The following XIRP2 variants were observed in gnomAD, a reference collection of about 807,000 sequenced individuals.
XIRP2 encodes xin actin-binding repeat-containing protein 2.
Under a neutral mutation model 277.0 loss-of-function variants are expected in XIRP2, and 236 were observed. The observed-to-expected ratio is 0.85, with a 90% CI of 0.77 to 0.95. XIRP2 has a LOEUF of 0.95. XIRP2 is among the 40% of genes least tolerant of loss of function. The pLI, the probability that XIRP2 is intolerant of heterozygous loss-of-function variation, is 0.00. For missense variants in XIRP2, 4,640 were observed against 4,157.5 expected (o/e 1.12, Z -3.19); for synonymous variants, 1,490 against 1,416.5 (o/e 1.05, Z -1.17).
chr2:166,999,742 G>T (rs924077307), intron 2 of XIRP2, among the ~76,000 whole-genome samples: 4 of 152,058 alleles, frequency 2.6e-5, no homozygotes, highest in Non-Finnish European at 5.9e-5. Context: ...ACAAACTTAA[G>T]CAAGAGATAA....
chr2:167,170,219 G>A (rs1420453980), intron 3 of XIRP2, among the ~76,000 whole-genome samples: 1 of 151,888 alleles, frequency 6.6e-6, no homozygotes, highest in African/African-American at 2.4e-5. Flanking sequence ...AATATGTTGA[G>A]ATTTTTGAGT....
chr2:167,015,413 G>A (rs1044036569), intron 2 of XIRP2, among the ~76,000 whole-genome samples: 1 of 131,154 alleles, frequency 7.6e-6, no homozygotes, highest in African/African-American at 2.9e-5. Context: ...TTGATTATCT[G>A]TCTTTTATCT....
intron 5 of XIRP2, among the ~76,000 whole-genome samples, chr2:167,239,130 G>A (rs1694983140): frequency 6.6e-6 from 1 of 152,140 alleles, no homozygotes; most frequent in Non-Finnish European, 1.5e-5. Flanking sequence ...TGTACTGGAT[G>A]GCCAATTTGA....
intron 2 of XIRP2, among the ~76,000 whole-genome samples, chr2:167,033,554 C>T (rs576971769): frequency 3.8e-4 from 58 of 152,110 alleles, no homozygotes; most frequent in African/African-American, 1.2e-3. Context: ...CCCAAATAAG[C>T]CTACTCCATG....
Position 167,003,032 on chromosome 2 carries a change from ATTTATAAAATACACAGG to A in XIRP2, c.408+99146_408+99162del, listed in dbSNP as rs895044280. On this transcript the variant is annotated intron_variant, in intron 2 of 10. Transcript: ENST00000409195. ...TTTCTTATGTTTCTCTTATTGAACA[ATTTATAAAATACACAGG>A]TTTGAAGTAGAAATACCAAGAGAGA... Among the ~76,000 whole-genome samples, 141 of 152,064 alleles carry A rather than the reference ATTTATAAAATACACAGG, an allele frequency of 9.3e-4. 1 individual carries two copies. The highest frequency in any genetic ancestry group is 3.2e-3 in the African/African-American group (135 of 41,566).
chr2:166,978,791 G>T (rs1427754222), intron 2 of XIRP2, among the ~76,000 whole-genome samples: 2 of 151,956 alleles, frequency 1.3e-5, no homozygotes, highest in Non-Finnish European at 2.9e-5. Context: ...GACCAGCCTG[G>T]GCAACACAGT....
intron 3 of XIRP2, among the ~76,000 whole-genome samples, chr2:167,182,764 T>G (rs917205258): frequency 6.6e-6 from 1 of 152,184 alleles, no homozygotes; most frequent in Admixed American, 6.6e-5. Flanking sequence ...ATCACCTAAT[T>G]AAATTGCTGG....
chr2:167,013,694 G>T (rs1687745222), intron 2 of XIRP2, among the ~76,000 whole-genome samples: 1 of 151,614 alleles, frequency 6.6e-6, no homozygotes, highest in Non-Finnish European at 1.5e-5. Context: ...CATTTCTAAT[G>T]TAATAGCCTT....
chr2:166,893,230 T>C (rs1294848081), intron 1 of XIRP2, among the ~76,000 whole-genome samples: 2 of 152,080 alleles, frequency 1.3e-5, no homozygotes, highest in Non-Finnish European at 2.9e-5. Context: ...AAATCCATAA[T>C]TGTTTTAAAA....
chr2:166,957,094 T>C (rs982405382), intron 2 of XIRP2, among the ~76,000 whole-genome samples: 2 of 151,818 alleles, frequency 1.3e-5, no homozygotes, highest in Non-Finnish European at 2.9e-5. Flanking sequence ...TAGTTGTTAT[T>C]GATAGAATTC....
chr2:167,201,252 A>AGAGAGAGGG (rs1559018390), intron 3 of XIRP2, among the ~76,000 whole-genome samples: 41 of 71,772 alleles, frequency 5.7e-4, no homozygotes, highest in African/African-American at 3.6e-3. Context: ...GAAAGAAAGA[A>AGAGAGAGGG]AGAAAGAAAG....
chr2:166,947,493 T>G (rs1454741408), intron 2 of XIRP2, among the ~76,000 whole-genome samples: 1 of 152,182 alleles, frequency 6.6e-6, no homozygotes, highest in Non-Finnish European at 1.5e-5. Flanking sequence ...CAGAAAGAAA[T>G]AAAAAGACAT....
intron 2 of XIRP2, among the ~76,000 whole-genome samples, chr2:166,942,390 T>A (rs1685743957): frequency 6.6e-6 from 1 of 152,226 alleles, no homozygotes. Flanking sequence ...TTTATTTTCA[T>A]GAAAAACTTC....
At chr2:167,022,101 C>T (rs1001316149) in intron 2 of XIRP2, among the ~76,000 whole-genome samples, 2 of 152,092 alleles carry the variant, frequency 1.3e-5, no homozygotes, top group African/African-American at 2.4e-5. Flanking sequence ...CAAAGCAGCT[C>T]TAAAATCCCA....
chr2:166,959,977 CA>C (rs1178949920), intron 2 of XIRP2, among the ~76,000 whole-genome samples: 1 of 151,668 alleles, frequency 6.6e-6, no homozygotes, highest in East Asian at 1.9e-4. Flanking sequence ...AATGTTAAAT[CA>C]CAATTATAAT....
intron 5 of XIRP2, among the ~76,000 whole-genome samples, chr2:167,229,046 A>G (rs1296165844): frequency 2.0e-5 from 3 of 152,142 alleles, no homozygotes. Flanking sequence ...TAGCACCTAG[A>G]CCCTTTCCCC....
intron 2 of XIRP2, among the ~76,000 whole-genome samples, chr2:166,912,014 G>A (rs1439242711): frequency 2.0e-5 from 3 of 152,158 alleles, no homozygotes; most frequent in Non-Finnish European, 4.4e-5. Flanking sequence ...TGAGTAACCC[G>A]ACCTTTCTTT....
intron 3 of XIRP2, among the ~76,000 whole-genome samples, chr2:167,179,424 G>C (rs1340317961): frequency 6.7e-6 from 1 of 150,008 alleles, no homozygotes; most frequent in Non-Finnish European, 1.5e-5. Context: ...GGGTTCAAGC[G>C]ATTCTTCTGC....
intron 2 of XIRP2, among the ~76,000 whole-genome samples, chr2:167,056,345 C>T (rs564381596): frequency 2.5e-4 from 38 of 152,184 alleles, no homozygotes; most frequent in South Asian, 1.4e-3. Flanking sequence ...GGTTGATTTA[C>T]GTGGTTAATC....
Sources: gnomAD v4.1 joint callset for allele counts (sites outside exome capture counted in the v4.1 genomes callset) on GRCh38, gnomAD v4.1.1 for gene constraint, MANE v1.5 for transcripts, NCBI Gene and HGNC (gene_info 2026-07-23, HGNC 2026-07-21) for gene names.